GLT1D1: variants seen among roughly 807,000 people sequenced by gnomAD.
GLT1D1 encodes the protein glycosyltransferase 1 domain-containing protein 1.
In GLT1D1, 21 loss-of-function variants were observed where a neutral mutation model predicts 28.7. That is an observed-to-expected ratio of 0.73 (90% confidence interval 0.52 to 1.05). The LOEUF (loss-of-function observed/expected upper bound fraction) is 1.05. Among genes scored for constraint, GLT1D1 ranks in the 50% least tolerant of loss-of-function variants. The pLI, the probability that GLT1D1 is intolerant of heterozygous loss-of-function variation, is 0.00. For missense variants in GLT1D1, 343 were observed against 330.6 expected (o/e 1.04, Z -0.29); for synonymous variants, 147 against 124.8 (o/e 1.18, Z -1.19).
chr12:128,879,386 CTTT>C (rs1381900125), intron 2 of GLT1D1, among the ~76,000 whole-genome samples: 3 of 42,468 alleles, frequency 7.1e-5, no homozygotes, highest in African/African-American at 1.1e-4. Context: ...CTTTTTCTTT[CTTT>C]CTTTCTTTCT....
At chr12:128,982,357 A>G (rs933105359) in intron 7 of GLT1D1, among the ~76,000 whole-genome samples, 2 of 152,188 alleles carry the variant, frequency 1.3e-5, no homozygotes, top group Non-Finnish European at 2.9e-5. Flanking sequence ...GGTCGTTCAG[A>G]AGAAATTGAA....
chr12:128,888,575 G>C (rs951395429), intron 2 of GLT1D1, 64 bp from the exon 3 acceptor site: 1 of 1,043,994 alleles, frequency 9.6e-7, no homozygotes, highest in African/African-American at 1.6e-5. Context: ...TCCTTGCTTG[G>C]GAATGGTTGG....
At position 128,951,866 on chromosome 12, in the gene GLT1D1, A is replaced by T. The variant is rs139732005; in HGVS notation, c.540+4408A>T. Among the ~76,000 whole-genome samples, 78 of 152,336 alleles carry T rather than the reference A, an allele frequency of 5.1e-4. 1 individual carries two copies. The highest frequency in any genetic ancestry group is 1.8e-3 in the African/African-American group (73 of 41,580). On this transcript the variant is annotated intron_variant, in intron 6 of 7. Transcript: ENST00000281703. ...AATGTGAAACCCTCAGATTACACTG[A>T]AGTCTCTTCGCCCTCTGTTCATTTC...
chr12:128,974,571 T>C (rs1879585581), intron 7 of GLT1D1, among the ~76,000 whole-genome samples: 1 of 152,176 alleles, frequency 6.6e-6, no homozygotes, highest in African/African-American at 2.4e-5. Context: ...TCACCATCCA[T>C]AAGACCACTC....
At chr12:128,894,210 G>A (rs534067234) in intron 3 of GLT1D1, among the ~76,000 whole-genome samples, 67 of 152,098 alleles carry the variant, frequency 4.4e-4, no homozygotes, top group Non-Finnish European at 8.1e-4. Flanking sequence ...GATCCTCTCC[G>A]TCCGTCTTTC....
intron 6 of GLT1D1, among the ~76,000 whole-genome samples, chr12:128,957,039 T>C (rs928087065): frequency 2.0e-5 from 3 of 152,210 alleles, no homozygotes; most frequent in African/African-American, 7.2e-5. Flanking sequence ...CAGGCACATA[T>C]CTCCAGACCT....
At position 128,984,622 on chromosome 12, in the gene GLT1D1, G is replaced by C. The variant is rs540783059; in HGVS notation, c.*1532G>C. ...GTGTTTTCCCTCTGAGGGGCCCAAG[G>C]GTTATGGCTTTCATGTCTAGGTGTG... On this transcript the variant is annotated 3_prime_UTR_variant, in exon 8 of 8. Transcript: ENST00000281703. 26 of 152,256 alleles carry C rather than the reference G, an allele frequency of 1.7e-4. 1 individual carries two copies. The highest frequency in any genetic ancestry group is 6.3e-4 in the African/African-American group (26 of 41,522). The allele number at this position is 152,256 out of a possible 1,614,324, so 9.4% of individuals were successfully genotyped here. A position where few individuals can be genotyped will look rare whatever the true frequency, so the allele number is the denominator to read the frequency against.
chr12:128,916,671 C>T (rs1802255413), intron 4 of GLT1D1, among the ~76,000 whole-genome samples: 1 of 152,156 alleles, frequency 6.6e-6, no homozygotes, highest in Admixed American at 6.6e-5. Flanking sequence ...TCGTGAGTGT[C>T]TAGCCAATTG....
rs968483741 is a variant in GLT1D1 at position 128,888,728 on chromosome 12, G to A, written c.307G>A (p.Val103Ile). ...GGAAAAAAACACAGTCATGGGCAGA[G>A]TTCTTGAGGAAGCCAGGTAATACCT... Residue 103 changes from valine to isoleucine, a missense_variant, in exon 3 of 8, where the codon GTT becomes ATT. Coordinates refer to ENST00000281703, the MANE Select transcript of GLT1D1 (RefSeq NM_144669.3). 1.9e-6 allele frequency: 3 copies of A among 1,608,986 alleles called. No homozygotes were observed. Among genetic ancestry groups the A allele is most frequent in the Non-Finnish European group, 2.6e-6 (3 of 1,175,556 alleles).
At chr12:128,982,885 C>T in intron 7 of GLT1D1, 44 bp from the exon 12 acceptor site, 1 of 1,599,896 alleles carries the variant, frequency 6.3e-7, no homozygotes, top group East Asian at 2.2e-5. Context: ...GCAAAATCTC[C>T]CTTCATCAGT....
Position 128,904,505 on chromosome 12 carries a change from C to G in GLT1D1, c.375+5218C>G, listed in dbSNP as rs769432793. 4.0e-5 allele frequency among the ~76,000 whole-genome samples: 6 copies of G among 151,580 alleles called. No individual in the cohort carries two copies. In the South Asian group the frequency reaches 1.2e-3, roughly 31 times the overall value. ...TTGACTTAGTGACAAATATTGGACT[C>G]GGGTAAATATCCAGAATAGAGCTGA... On this transcript the variant is annotated intron_variant, in intron 4 of 7. Coordinates refer to ENST00000281703, the MANE Select transcript of GLT1D1 (RefSeq NM_144669.3).
At chr12:128,922,867 G>A (rs1365105246) in intron 4 of GLT1D1, among the ~76,000 whole-genome samples, 2 of 145,656 alleles carry the variant, frequency 1.4e-5, no homozygotes, top group Non-Finnish European at 3.0e-5. Flanking sequence ...AGGTTGCAGT[G>A]AGCCGAGAAC....
intron 7 of GLT1D1, among the ~76,000 whole-genome samples, chr12:128,972,155 GTGGCAGCTGCTCTAA>G (rs1323873597): frequency 1.3e-5 from 2 of 152,132 alleles, no homozygotes; most frequent in Non-Finnish European, 2.9e-5. Flanking sequence ...CCAACAGGAA[GTGGCAGCTGCTCTAA>G]TGGGCCCCAT....
intron 4 of GLT1D1, among the ~76,000 whole-genome samples, chr12:128,916,414 A>G (rs1284881115): frequency 2.0e-5 from 3 of 152,226 alleles, no homozygotes; most frequent in Non-Finnish European, 4.4e-5. Context: ...CTATATGATT[A>G]ACATTATAAA....
In GLT1D1 at chr12:128,864,204, G is replaced by A. The variant is rs547611764; in HGVS notation, c.68+10555G>A. 1.2e-5 allele frequency: 8 copies of A among 663,808 alleles called. No homozygotes were observed. In the East Asian group the frequency reaches 2.3e-4, roughly 19 times the overall value. 41.1% of individuals were successfully genotyped at this position (663,808 alleles called of 1,614,324 possible). ...TGTAAGTTTTTGTTGAATTAGGGCA[G>A]TTGCAACCCACGGGCACTCCGAGAG... is the stretch of plus-strand genomic sequence containing the variant. On this transcript the variant is annotated intron_variant, in intron 1 of 7. Transcript: ENST00000281703.
At chr12:128,881,299 G>A (rs1403613126) in intron 2 of GLT1D1, among the ~76,000 whole-genome samples, 2 of 148,806 alleles carry the variant, frequency 1.3e-5, no homozygotes, top group East Asian at 3.9e-4. Context: ...TGAAGGCTGA[G>A]GCAGGCAGAT....
At chr12:128,917,199 G>A (rs1247295976) in intron 4 of GLT1D1, among the ~76,000 whole-genome samples, 3 of 152,250 alleles carry the variant, frequency 2.0e-5, no homozygotes, top group South Asian at 2.1e-4. Flanking sequence ...CCAATATCAT[G>A]CTGTTTTGTT....
intron 1 of GLT1D1, among the ~76,000 whole-genome samples, chr12:128,859,048 C>G (rs993030415): frequency 6.6e-6 from 1 of 152,202 alleles, no homozygotes; most frequent in African/African-American, 2.4e-5. Flanking sequence ...ATTGATGTCT[C>G]ATGCCTCCCT....
intron 4 of GLT1D1, among the ~76,000 whole-genome samples, chr12:128,899,642 C>T (rs1331107481): frequency 2.0e-5 from 3 of 151,278 alleles, no homozygotes; most frequent in African/African-American, 2.4e-5. Context: ...TTCCACCTCC[C>T]GGGTTCAAGC....
Sources: allele counts gnomAD v4.1 joint callset (sites outside exome capture counted in the v4.1 genomes callset), GRCh38; gene constraint gnomAD v4.1.1; transcripts MANE v1.5; gene names NCBI Gene and HGNC (gene_info 2026-07-23, HGNC 2026-07-21).